Variants in NCS1 observed in about 807,000 individuals in gnomAD.
NCS1 encodes neuronal calcium sensor 1, also known as frequenin homolog.
Under a neutral mutation model 28.4 loss-of-function variants are expected in NCS1, and 6 were observed. The ratio of observed to expected loss-of-function variants is 0.21; its 90% CI spans 0.12 to 0.42. The LOEUF is 0.42. Among genes scored for constraint, NCS1 ranks in the 10% least tolerant of loss-of-function variants. The pLI is 1.00. For synonymous variants in NCS1, 86 were observed against 99.3 expected (o/e 0.87, Z 0.79); for missense variants, 131 against 241.4 (o/e 0.54, Z 3.03).
At chr9:130,231,367 T>TTA (rs1833499466) in intron 7 of NCS1, among the ~76,000 whole-genome samples, 1 of 151,326 alleles carries the variant, frequency 6.6e-6, no homozygotes, top group African/African-American at 2.4e-5. Flanking sequence ...AAAAAAACTT[T>TTA]AATTTTGTTT....
In NCS1 at chr9:130,210,213, A is replaced by G. The variant is rs191660433; in HGVS notation, c.90-7619A>G. Among the ~76,000 whole-genome samples, 579 of 152,188 alleles carry G rather than the reference A, an allele frequency of 3.8e-3. 3 individuals carry two copies. The highest frequency in any genetic ancestry group is 0.013 in the African/African-American group (552 of 41,516). On this transcript the variant is annotated intron_variant, in intron 2 of 7. Transcript: ENST00000372398. ...CAGGAGTTCAAGACCAGTCTGGCCA[A>G]CATGATGAAACCCCGTCTCTACTAA...
rs1554910629 is a variant in NCS1 at position 130,222,085 on chromosome 9, T to TATACATAAATATAAATTATGTATCTATAA, written c.308-562_308-561insCATAAATATAAATTATGTATCTATAAATA. On this transcript the variant is annotated intron_variant, in intron 4 of 7. Transcript: ENST00000372398. The stretch of plus-strand genomic sequence containing the variant: ...AATATAAATTATGTATCTATAAATA[T>TATACATAAATATAAATTATGTATCTATAA]ATATATGTGTGTGTGTATATATATA... Among the ~76,000 whole-genome samples, 187 of 84,584 alleles carry TATACATAAATATAAATTATGTATCTATAA rather than the reference T, an allele frequency of 2.2e-3. 30 individuals are homozygous for TATACATAAATATAAATTATGTATCTATAA. The highest frequency in any genetic ancestry group is 7.7e-3 in the African/African-American group (179 of 23,158). The allele number at this position is 84,584 out of a possible 152,430, so 55.5% of individuals were successfully genotyped here.
At position 130,191,425 on chromosome 9, in the gene NCS1, C is replaced by T. The variant is rs189707870; in HGVS notation, c.65-9533C>T. 6.6e-6 allele frequency among the ~76,000 whole-genome samples: 1 copy of T among 152,266 alleles called. No individual in the cohort carries two copies. The highest frequency in any genetic ancestry group is 1.5e-5 in the Non-Finnish European group (1 of 68,014). ...GGGAGATCCCCCAACAGGTGAAATACCCCCCGATTCGAGTGCTCAGCCTTC... is the reference window on the plus strand; with the variant it reads ...GGGAGATCCCCCAACAGGTGAAATATCCCCCGATTCGAGTGCTCAGCCTTC... On this transcript the variant is annotated intron_variant, in intron 1 of 7. Transcript: ENST00000372398. This position sits in a 1 kb window ranked among gnomAD's most constrained non-coding sequence, Gnocchi z 6.4.
At position 130,177,648 on chromosome 9, in the gene NCS1, C is replaced by T. The variant is rs1320601520; in HGVS notation, c.64+4921C>T. Among the ~76,000 whole-genome samples the T allele has an allele frequency of 3.9e-5, 6 of 152,240 alleles. No individual in the cohort carries two copies. Among genetic ancestry groups the T allele is most frequent in the African/African-American group, 1.4e-4 (6 of 41,460 alleles). On this transcript the variant is annotated intron_variant, in intron 1 of 7. Transcript: ENST00000372398. This position sits in a 1 kb window ranked among gnomAD's most constrained non-coding sequence, Gnocchi z 4.4. Reference sequence around the variant, plus strand: ...TCACCTGTGTTATTAGGAGAGGACTCGATCCCCTGCGGTGCGGGGCTGGGT... The same window carrying T: ...TCACCTGTGTTATTAGGAGAGGACTTGATCCCCTGCGGTGCGGGGCTGGGT...
At chr9:130,172,758 C>A (rs181147470) in intron 1 of NCS1, 31 bp downstream of exon 1, 41,897 of 1,374,006 alleles carry the variant, frequency 0.03, 1,284 homozygotes, top group Admixed American at 0.15. Flanking sequence ...GCCCGCGCCC[C>A]GCGGTCACCC....
intron 1 of NCS1, among the ~76,000 whole-genome samples, chr9:130,188,922 G>A (rs1832777171): frequency 6.6e-6 from 1 of 151,754 alleles, no homozygotes; most frequent in Non-Finnish European, 1.5e-5. Context: ...TTGCCATGTT[G>A]GCCAGGCTGG....
At chr9:130,194,057 CG>C (rs1390424952) in intron 1 of NCS1, 1 of 152,632 alleles carries the variant, frequency 6.6e-6, no homozygotes, top group Non-Finnish European at 1.5e-5. Context: ...GGAGGGATGG[CG>C]GAAGAGGCTG....
chr9:130,222,413 A>G (rs952220200), intron 4 of NCS1, among the ~76,000 whole-genome samples: 4 of 151,992 alleles, frequency 2.6e-5, no homozygotes, highest in Admixed American at 6.6e-5. Flanking sequence ...TCAGCCTCCC[A>G]AAGTCCTGGG....
intron 1 of NCS1, among the ~76,000 whole-genome samples, chr9:130,187,112 C>A (rs1378862350): frequency 6.6e-6 from 1 of 152,056 alleles, no homozygotes; most frequent in Admixed American, 6.5e-5. Context: ...GCAAGGGCTC[C>A]GCTAGGAGGA....
intron 2 of NCS1, among the ~76,000 whole-genome samples, chr9:130,214,708 G>A (rs1554909143): frequency 6.6e-6 from 1 of 152,240 alleles, no homozygotes; most frequent in Non-Finnish European, 1.5e-5. Flanking sequence ...GAGCCTGTCT[G>A]AAGTCTGGGT....
At chr9:130,224,888 C>T (rs1252156875) in intron 6 of NCS1, among the ~76,000 whole-genome samples, 1 of 152,124 alleles carries the variant, frequency 6.6e-6, no homozygotes, top group Non-Finnish European at 1.5e-5. Context: ...TGTTACGTGC[C>T]TTCAGCAAAA....
intron 1 of NCS1, among the ~76,000 whole-genome samples, chr9:130,199,812 C>T (rs537264055): frequency 3.9e-4 from 59 of 152,360 alleles, no homozygotes; most frequent in African/African-American, 1.4e-3. Context: ...CCTCTTTGGG[C>T]TTCCTTCCCA....
intron 2 of NCS1, among the ~76,000 whole-genome samples, chr9:130,214,431 G>A (rs1162196134): frequency 6.6e-6 from 1 of 152,268 alleles, no homozygotes; most frequent in Non-Finnish European, 1.5e-5. Flanking sequence ...ATGCAAGGAA[G>A]TGAGGCTTCA....
chr9:130,217,867 A>T lies in NCS1; in HGVS notation c.125A>T (p.Gln42Leu). Residue 42 changes from glutamine (Q) to leucine (L), a missense_variant, in exon 3 of 8, where the codon CAG (glutamine) becomes CTG (leucine). By Grantham distance (113) the Gln-to-Leu change is moderately radical. Transcript: ENST00000372398. ...TTCATCAAGGACTGCCCCAGTGGGC[A>T]GCTGGATGCGGCAGGCTTCCAGAAG... ...KGFIKDCPSGQLDAAGFQKIY... is the reference protein window; with the variant it reads ...KGFIKDCPSGLLDAAGFQKIY... The T allele has an allele frequency of 1.2e-6, 2 of 1,614,152 alleles. No homozygotes were observed.
At chr9:130,194,213 A>G (rs1488689164) in intron 1 of NCS1, among the ~76,000 whole-genome samples, 1 of 152,128 alleles carries the variant, frequency 6.6e-6, no homozygotes, top group Non-Finnish European at 1.5e-5. Context: ...TCAAAATCAG[A>G]CTTAACATCC....
chr9:130,206,888 C>T (rs1352630136), intron 2 of NCS1, among the ~76,000 whole-genome samples: 1 of 152,094 alleles, frequency 6.6e-6, no homozygotes, highest in Non-Finnish European at 1.5e-5. Flanking sequence ...CAGGGAGCAG[C>T]GGGCCACAGT....
At position 130,180,742 on chromosome 9, in the gene NCS1, G is replaced by A. The variant is rs1554905085; in HGVS notation, c.64+8015G>A. ...TAGGTGCTCAGTAAATGCTCTCCCA[G>A]GAAGGAGGCTGCTGGACCGGCTGTA... On this transcript the variant is annotated intron_variant, in intron 1 of 7. Transcript: ENST00000372398. This position sits in a 1 kb window ranked among gnomAD's most constrained non-coding sequence, Gnocchi z 4.5. 6.6e-6 allele frequency among the ~76,000 whole-genome samples: 1 copy of A among 152,200 alleles called. No homozygotes were observed. The highest frequency in any genetic ancestry group is 1.9e-4 in the East Asian group (1 of 5,198).
At chr9:130,194,866 A>G (rs187371323) in intron 1 of NCS1, among the ~76,000 whole-genome samples, 1 of 152,368 alleles carries the variant, frequency 6.6e-6, no homozygotes, top group Admixed American at 6.5e-5. Flanking sequence ...AGGTCAATGC[A>G]TGAGAAACAC....
intron 1 of NCS1, among the ~76,000 whole-genome samples, chr9:130,179,179 C>T (rs1442728676): frequency 6.6e-6 from 1 of 151,796 alleles, no homozygotes; most frequent in African/African-American, 2.4e-5. Context: ...GTGATTCACT[C>T]ACCTTGGCCT....
Sources: gnomAD v4.1 joint callset for allele counts (sites outside exome capture counted in the v4.1 genomes callset) on GRCh38, gnomAD v4.1.1 for gene constraint, Gnocchi (gnomAD v3.1) non-coding constraint, MANE v1.5 for transcripts, NCBI Gene and HGNC (gene_info 2026-07-23, HGNC 2026-07-21) for gene names.